EEIG2: variants seen among roughly 807,000 people sequenced by gnomAD.
The protein encoded by EEIG2 is family with sequence similarity 102 member B.
the EEIG2 span, chr1:108,628,105 A>AG: frequency 7.2e-7 from 1 of 1,391,954 alleles, no homozygotes; most frequent in Non-Finnish European, 1.0e-6. Context: ...TGCAGAGTAG[A>AG]ATACAAATTG....
chr1:108,629,544 C>G, the EEIG2 span: 1 of 1,266,556 alleles, frequency 7.9e-7, no homozygotes, highest in African/African-American at 1.5e-5. Flanking sequence ...TGACAATAGT[C>G]TAATAATTGT....
the EEIG2 span, among the ~76,000 whole-genome samples, chr1:108,595,140 A>T: frequency 2.6e-5 from 4 of 152,156 alleles, no homozygotes; most frequent in Non-Finnish European, 5.9e-5. Context: ...GTATTTATAT[A>T]TTAGTATTGC....
At chr1:108,602,093 G>A in the EEIG2 span, among the ~76,000 whole-genome samples, 1 of 152,176 alleles carries the variant, frequency 6.6e-6, no homozygotes, top group Non-Finnish European at 1.5e-5. Flanking sequence ...GGGCAAAGGA[G>A]ATTATTTTAG....
chr1:108,617,555 G>A, the EEIG2 span, among the ~76,000 whole-genome samples: 3 of 152,154 alleles, frequency 2.0e-5, no homozygotes, highest in African/African-American at 7.2e-5. Flanking sequence ...CCAGTGGGGA[G>A]ATCTGGGCAG....
chr1:108,635,797 C>T, the EEIG2 span: 1 of 152,076 alleles, frequency 6.6e-6, no homozygotes, highest in Admixed American at 6.5e-5. Context: ...GATGTAATGC[C>T]GTTATGCAGT....
At chr1:108,625,709 G>A in the EEIG2 span, 1 of 152,390 alleles carries the variant, frequency 6.6e-6, no homozygotes, top group South Asian at 2.1e-4. Flanking sequence ...GCTGGCGCAT[G>A]TGCTCACATG....
chr1:108,632,516 A>G, the EEIG2 span, among the ~76,000 whole-genome samples: 1 of 152,210 alleles, frequency 6.6e-6, no homozygotes, highest in African/African-American at 2.4e-5. Context: ...GACCAGTAGC[A>G]GGGGGAACTA....
At chr1:108,635,664 GGT>G in the EEIG2 span, 2 of 152,388 alleles carry the variant, frequency 1.3e-5, no homozygotes, top group Non-Finnish European at 2.9e-5. Flanking sequence ...ATAAAGTGTG[GGT>G]GTTCATGCTT....
chr1:108,634,754 T>C, the EEIG2 span, among the ~76,000 whole-genome samples: 24,121 of 152,148 alleles, frequency 0.16, 3,113 homozygotes, highest in African/African-American at 0.35. Flanking sequence ...CAAGTCCTGA[T>C]GCACTGCCAG....
At chr1:108,618,041 A>T in the EEIG2 span, among the ~76,000 whole-genome samples, 2 of 152,298 alleles carry the variant, frequency 1.3e-5, no homozygotes, top group East Asian at 3.9e-4. Flanking sequence ...GGGTTTTGCT[A>T]TAAAAAAGAA....
chr1:108,612,409 A>T, the EEIG2 span: 1 of 655,040 alleles, frequency 1.5e-6, no homozygotes, highest in East Asian at 2.8e-5. Context: ...TAAACTGACC[A>T]TACCACTGAA....
chr1:108,625,254 C>G, the EEIG2 span: 1 of 152,408 alleles, frequency 6.6e-6, no homozygotes, highest in Non-Finnish European at 1.5e-5. Context: ...CCACAAGACG[C>G]TGATGCTGCT....
At chr1:108,560,563 C>G in the EEIG2 span, 3 of 1,610,004 alleles carry the variant, frequency 1.9e-6, no homozygotes, top group Non-Finnish European at 2.5e-6. Flanking sequence ...CCGAGTCCTC[C>G]AGGTAACTCG....
chr1:108,586,486 T>G, the EEIG2 span, among the ~76,000 whole-genome samples: 2 of 152,144 alleles, frequency 1.3e-5, no homozygotes, highest in African/African-American at 2.4e-5. Flanking sequence ...CAAATTACTT[T>G]CAACATCCCT....
chr1:108,634,975 C>G, the EEIG2 span: 9 of 745,756 alleles, frequency 1.2e-5, no homozygotes, highest in Non-Finnish European at 2.1e-5. Context: ...ATCCGTGATG[C>G]CTTTAAACGT....
chr1:108,603,388 T>G, the EEIG2 span, among the ~76,000 whole-genome samples: 1 of 152,156 alleles, frequency 6.6e-6, no homozygotes, highest in African/African-American at 2.4e-5. Context: ...AGGCTTTCAG[T>G]TGGGACTCAC....
At chr1:108,565,603 C>T in the EEIG2 span, among the ~76,000 whole-genome samples, 3 of 152,030 alleles carry the variant, frequency 2.0e-5, no homozygotes, top group African/African-American at 7.3e-5. Context: ...CCCTAGTTTG[C>T]CTTATTTTGT....
chr1:108,601,584 G>T, the EEIG2 span, among the ~76,000 whole-genome samples: 2 of 151,746 alleles, frequency 1.3e-5, no homozygotes, highest in Non-Finnish European at 2.9e-5. Flanking sequence ...ATAACATAAA[G>T]TCTTAAATTA....
At chr1:108,612,410 T>TA in the EEIG2 span, 1 of 653,762 alleles carries the variant, frequency 1.5e-6, no homozygotes, top group South Asian at 2.2e-5. Context: ...AAACTGACCA[T>TA]ACCACTGAAG....
Sources: gnomAD v4.1 joint callset for allele counts (sites outside exome capture counted in the v4.1 genomes callset) on GRCh38, gnomAD v4.1.1 for gene constraint, MANE v1.5 for transcripts, NCBI Gene and HGNC (gene_info 2026-07-23, HGNC 2026-07-21) for gene names.